VRK2: variants seen among roughly 807,000 people sequenced by gnomAD.
The protein encoded by VRK2 is VRK serine/threonine kinase 2.
VRK2 carries 60 observed loss-of-function variants against 57.6 expected under a neutral mutation model. The ratio of observed to expected loss-of-function variants is 1.04; its 90% CI spans 0.85 to 1.29. VRK2 has a LOEUF of 1.29. Among genes scored for constraint, VRK2 ranks in the 50% most tolerant of loss-of-function variants. VRK2 has a pLI of 0.00. For missense variants in VRK2, 705 were observed against 588.1 expected, an observed-to-expected ratio of 1.20 and a Z score of -2.06; for synonymous variants, 231 against 199.2, an observed-to-expected ratio of 1.16 and a Z score of -1.35.
intron 1 of VRK2, chr2:58,047,132 G>C (rs1312516598): frequency 8.3e-6 from 3 of 363,252 alleles, no homozygotes; most frequent in Non-Finnish European, 1.1e-5. Flanking sequence ...CGGAAAAGTG[G>C]GTGGAGTTTC....
At position 58,123,144 on chromosome 2, in the gene VRK2, A is replaced by C. The variant is rs147166402; in HGVS notation, c.587A>C (p.Asn196Thr). ...GGACTTTCCTACAGATATTGTCCCA[A>C]TGGGAACCACAAACAGTATCAGGAA... ...DYGLSYRYCP[N>T]GNHKQYQENP... Residue 196 changes from asparagine (N) to threonine (T), a missense_variant, in exon 8 of 13, where the codon AAT becomes ACT. By Grantham distance (65) the Asn-to-Thr change is moderately conservative. Coordinates refer to ENST00000340157, the MANE Select transcript of VRK2 (RefSeq NM_006296.7). 1 of 1,598,916 alleles carries C rather than the reference A, an allele frequency of 6.3e-7. No individual in the cohort carries two copies. The highest frequency in any genetic ancestry group is 8.5e-7 in the Non-Finnish European group (1 of 1,175,836).
intron 2 of VRK2, among the ~76,000 whole-genome samples, chr2:58,065,927 A>ATGTTGTG (rs144435086): frequency 3.9e-5 from 6 of 152,184 alleles, no homozygotes; most frequent in Admixed American, 2.0e-4. Flanking sequence ...TATTAGTAGT[A>ATGTTGTG]TGTTGTGTGT....
chr2:58,152,968 A>C (rs1683281380), intron 12 of VRK2, among the ~76,000 whole-genome samples: 2 of 151,904 alleles, frequency 1.3e-5, no homozygotes, highest in African/African-American at 4.8e-5. Flanking sequence ...TGTGTTCCTT[A>C]GATATTTTAT....
intron 1 of VRK2, among the ~76,000 whole-genome samples, chr2:57,925,415 A>C (rs1670499499): frequency 1.3e-5 from 2 of 152,014 alleles, no homozygotes; most frequent in Admixed American, 6.6e-5. Flanking sequence ...TTTCCTTATG[A>C]TTCAATCTTG....
At chr2:57,987,979 G>C (rs1672650541) in intron 1 of VRK2, among the ~76,000 whole-genome samples, 1 of 152,122 alleles carries the variant, frequency 6.6e-6, no homozygotes, top group African/African-American at 2.4e-5. Flanking sequence ...AAACAGATCA[G>C]TTGTTACTAG....
At chr2:58,091,487 C>T (rs761342324) in intron 7 of VRK2, among the ~76,000 whole-genome samples, 6 of 151,614 alleles carry the variant, frequency 4.0e-5, no homozygotes, top group Non-Finnish European at 8.8e-5. Flanking sequence ...TTAATTTAAA[C>T]TTAAATAACA....
At chr2:57,910,106 A>T (rs1297287627) in intron 1 of VRK2, among the ~76,000 whole-genome samples, 3 of 151,566 alleles carry the variant, frequency 2.0e-5, no homozygotes, top group African/African-American at 7.3e-5. Context: ...ATGAATGAAG[A>T]TAGAGGAAAA....
Position 58,032,179 on chromosome 2 carries a change from C to T in VRK2, c.-332-1048C>T, listed in dbSNP as rs372262036. Among the ~76,000 whole-genome samples, 9 of 152,198 alleles carry T rather than the reference C, an allele frequency of 5.9e-5. No individual in the cohort carries two copies. The East Asian group carries it at 1.4e-3, about 23-fold the overall frequency. On this transcript the variant is annotated intron_variant, in intron 2 of 15. Coordinates refer to the VRK2 transcript ENST00000417641. The stretch of plus-strand genomic sequence containing the variant: ...GAACAGACAGAAAAGAAGCTATGTG[C>T]TTACTTTTTACTCATACTTAATGTT...
chr2:57,983,588 G>A (rs938018583), intron 1 of VRK2, among the ~76,000 whole-genome samples: 6 of 152,152 alleles, frequency 3.9e-5, no homozygotes, highest in Admixed American at 3.3e-4. Context: ...ATTCTAGATC[G>A]AAAGTATTTG....
chr2:58,087,726 T>C (rs13412069), intron 5 of VRK2, among the ~76,000 whole-genome samples: 5,306 of 152,238 alleles, frequency 0.035, 324 homozygotes, highest in African/African-American at 0.12. Flanking sequence ...CGGTGGCTCA[T>C]GCCTGTAATC....
intron 7 of VRK2, among the ~76,000 whole-genome samples, chr2:58,091,995 G>T (rs1672449129): frequency 6.6e-6 from 1 of 152,118 alleles, no homozygotes; most frequent in African/African-American, 2.4e-5. Context: ...AGGGAATTTG[G>T]CAATATCTGC....
At chr2:58,049,165 T>A (rs1413172103) in intron 2 of VRK2, among the ~76,000 whole-genome samples, 198 bp downstream of exon 2, 3 of 152,216 alleles carry the variant, frequency 2.0e-5, no homozygotes, top group Non-Finnish European at 4.4e-5. Context: ...TGTCCATGTT[T>A]TTCTGAGTAA....
intron 1 of VRK2, among the ~76,000 whole-genome samples, chr2:57,908,690 C>T (rs1394330155): frequency 4.6e-5 from 7 of 152,064 alleles, no homozygotes; most frequent in Non-Finnish European, 7.4e-5. Context: ...GTTAATTGAA[C>T]CAAATATTTG....
At chr2:57,973,368 C>A (rs1672152528) in intron 1 of VRK2, among the ~76,000 whole-genome samples, 1 of 151,668 alleles carries the variant, frequency 6.6e-6, no homozygotes, top group Non-Finnish European at 1.5e-5. Context: ...TCCAACTAAA[C>A]AAGAGTGTTG....
At chr2:58,084,836 G>C (rs1450003308) in intron 3 of VRK2, 45 bp from the exon 4 acceptor site, 2 of 1,236,674 alleles carry the variant, frequency 1.6e-6, no homozygotes, top group Non-Finnish European at 2.3e-6. Context: ...TTCCATCTTT[G>C]GGATTATTTT....
chr2:58,026,395 C>T (rs1010534709), intron 2 of VRK2, among the ~76,000 whole-genome samples: 6 of 152,034 alleles, frequency 3.9e-5, no homozygotes, highest in Non-Finnish European at 5.9e-5. Flanking sequence ...AGCATGAGAA[C>T]ATCCTATATG....
intron 2 of VRK2, among the ~76,000 whole-genome samples, chr2:58,053,712 C>T (rs1323998057): frequency 6.6e-6 from 1 of 152,064 alleles, no homozygotes; most frequent in Non-Finnish European, 1.5e-5. Flanking sequence ...ATACATATTG[C>T]TTCATTACAT....
At chr2:58,038,395 T>G (rs751972807) in intron 3 of VRK2, among the ~76,000 whole-genome samples, 4 of 152,160 alleles carry the variant, frequency 2.6e-5, no homozygotes, top group Admixed American at 2.6e-4. Context: ...TATTCCTTAA[T>G]AGCAGTGTGA....
chr2:57,961,803 G>A (rs1671770551), intron 1 of VRK2, among the ~76,000 whole-genome samples: 1 of 152,196 alleles, frequency 6.6e-6, no homozygotes, highest in African/African-American at 2.4e-5. Flanking sequence ...TGGGCTGGGG[G>A]CAGTGGCTCA....
Sources: allele counts gnomAD v4.1 joint callset (sites outside exome capture counted in the v4.1 genomes callset), GRCh38; gene constraint gnomAD v4.1.1; transcripts MANE v1.5; gene names NCBI Gene and HGNC (gene_info 2026-07-23, HGNC 2026-07-21).